Variants in TRIM14 observed in about 807,000 individuals in gnomAD.
TRIM14 encodes the protein tripartite motif containing 14.
Under a neutral mutation model 44.5 loss-of-function variants are expected in TRIM14, and 28 were observed. The ratio of observed to expected loss-of-function variants is 0.63; its 90% CI spans 0.47 to 0.86. TRIM14 has a LOEUF of 0.86. Among genes scored for constraint, TRIM14 ranks in the 40% least tolerant of loss-of-function variants. The probability of loss-of-function intolerance (pLI) is 0.00; values close to 1 mark genes in which losing one functional copy is unlikely to be tolerated. For synonymous variants in TRIM14, 299 were observed against 269.2 expected, an observed-to-expected ratio of 1.11 and a Z score of -1.08; for missense variants, 607 against 611.1, an observed-to-expected ratio of 0.99 and a Z score of 0.07.
Position 98,100,149 on chromosome 9 carries a change from T to C in TRIM14, c.319A>G (p.Ser107Gly). The C allele has an allele frequency of 6.2e-7, 1 of 1,614,206 alleles. No individual in the cohort carries two copies. The highest frequency in any genetic ancestry group is 8.5e-7 in the Non-Finnish European group (1 of 1,180,032). The stretch of plus-strand genomic sequence containing the variant: ...AATTTCCCCTTCAGCCAGGTTTTAC[T>C]TGACTCTGCATTAGCCTAAAAACAG... The part of the protein sequence containing the change: ...TEKLKANAES[S>G]KTWLKGKFTE... The change falls in exon 3 of 6, where the codon AGT (serine) becomes GGT (glycine). Residue 107 changes from serine (S) to glycine (G), a missense_variant. Around this residue, in one of 3 missense-constraint regions of TRIM14, gnomAD observed 246 missense variants for 270.8 expected, o/e 0.91. Coordinates refer to ENST00000341469, the MANE Select transcript of TRIM14 (RefSeq NM_014788.4).
At chr9:98,110,768 G>C (rs1476077376) in intron 1 of TRIM14, among the ~76,000 whole-genome samples, 1 of 151,904 alleles carries the variant, frequency 6.6e-6, no homozygotes. Flanking sequence ...CACTTTGGGA[G>C]GCTGAGGTAG....
At chr9:98,046,384 G>T in the TRIM14 span, among the ~76,000 whole-genome samples, 1 of 152,032 alleles carries the variant, frequency 6.6e-6, no homozygotes. Flanking sequence ...GAAAATGAGG[G>T]CTCCCTAATT....
At chr9:98,082,541 A>C (rs1365039386), downstream of TRIM14, among the ~76,000 whole-genome samples, 2 of 152,242 alleles carry the variant, frequency 1.3e-5, no homozygotes, top group East Asian at 3.8e-4. Flanking sequence ...TTTCCATTTG[A>C]CAGAGAAACT....
Position 98,087,494 on chromosome 9 carries a change from G to C in TRIM14, c.1305C>G (p.Ala435=). ...LYPALRLWEG[A]ISIPRLP is the part of the protein sequence containing the mutation. ...CCTAGGGCAGCCGGGGGATGCTGAT[G>C]GCCCCCTCCCAGAGCCGCAGGGCCG... The change falls in exon 6 of 6, where the codon GCC becomes GCG. Residue 435 remains alanine (A), a synonymous_variant. Transcript: ENST00000341469. 1 of 1,602,034 alleles carries C rather than the reference G, an allele frequency of 6.2e-7. No homozygotes were observed. The highest frequency in any genetic ancestry group is 8.5e-7 in the Non-Finnish European group (1 of 1,174,038).
At chr9:98,118,033 G>A (rs545861095) in intron 1 of TRIM14, among the ~76,000 whole-genome samples, 1 of 152,256 alleles carries the variant, frequency 6.6e-6, no homozygotes, top group South Asian at 2.1e-4. Flanking sequence ...GGAGTTCCAA[G>A]GTTGTCACAG....
the TRIM14 span, chr9:98,056,727 T>C: frequency 6.6e-7 from 1 of 1,525,978 alleles, no homozygotes; most frequent in Non-Finnish European, 8.8e-7. Flanking sequence ...CTCGCAGCGT[T>C]GCTCACAGAA....
chr9:98,042,043 C>G, the TRIM14 span, among the ~76,000 whole-genome samples: 2 of 151,468 alleles, frequency 1.3e-5, no homozygotes, highest in African/African-American at 4.8e-5. Context: ...GCCTCTAATC[C>G]CAGCACTTTG....
chr9:98,067,464 G>A (rs1829182278), downstream of TRIM14, among the ~76,000 whole-genome samples: 1 of 152,128 alleles, frequency 6.6e-6, no homozygotes, highest in Non-Finnish European at 1.5e-5. Flanking sequence ...GTCTCATTGT[G>A]GTTGTGATTT....
chr9:98,075,814 G>A (rs1829566233), intron 6 of TRIM14: 1 of 152,128 alleles, frequency 6.6e-6, no homozygotes, highest in Non-Finnish European at 1.5e-5. Context: ...TACATTATGT[G>A]CAGTTTTTAG....
At position 98,087,678 on chromosome 9, in the gene TRIM14, A is replaced by G. The variant is rs918457484; in HGVS notation, c.1121T>C (p.Phe374Ser). The G allele has an allele frequency of 3.1e-6, 5 of 1,601,936 alleles. No individual in the cohort carries two copies. In the African/African-American group the frequency reaches 6.7e-5, roughly 21 times the overall value. The part of the protein sequence containing the change: ...LKRYDLEYWA[F>S]HDGQRSRLRP... ...CAGGCGGCTGCGCTGGCCGTCGTGG[A>G]AGGCCCAGTACTCAAGGTCGTAGCG... The change falls in exon 6 of 6, where the codon TTC becomes TCC. Residue 374 changes from phenylalanine to serine, a missense_variant. Around this residue, in one of 3 missense-constraint regions of TRIM14, gnomAD observed 356 missense variants for 323.0 expected, o/e 1.10. Transcript: ENST00000341469.
chr9:98,080,818 A>G (rs778409762), downstream of TRIM14: 37 of 1,571,550 alleles, frequency 2.4e-5, no homozygotes, highest in Non-Finnish European at 3.1e-5. Flanking sequence ...TTTTAAAGGA[A>G]TATCAGAAGC....
chr9:98,089,920 T>C (rs2118242926), intron 5 of TRIM14, among the ~76,000 whole-genome samples: 1 of 152,336 alleles, frequency 6.6e-6, no homozygotes, highest in Non-Finnish European at 1.5e-5. Flanking sequence ...AACCACTTTC[T>C]TTATACCAGA....
chr9:98,043,180 G>A, the TRIM14 span, among the ~76,000 whole-genome samples: 5 of 132,048 alleles, frequency 3.8e-5, no homozygotes, highest in African/African-American at 1.3e-4. Context: ...CCCTAAATTT[G>A]CATTTTTTTT....
chr9:98,119,120 G>A lies in TRIM14; in HGVS notation c.69C>T (p.Arg23=), dbSNP rs371399513. Residue 23 remains arginine, a synonymous_variant, in exon 1 of 6, where the codon CGC becomes CGT. Transcript: ENST00000341469. ...RSELVEGCGW[R]CPEHGDRVAE... ...CCACGCGGTCGCCATGCTCCGGGCAGCGCCAGCCGCATCCCTCGACAAGCT... is the reference window on the plus strand; with the variant it reads ...CCACGCGGTCGCCATGCTCCGGGCAACGCCAGCCGCATCCCTCGACAAGCT... 2.3e-4 allele frequency: 369 copies of A among 1,587,012 alleles called. No individual in the cohort carries two copies. The highest frequency in any genetic ancestry group is 3.0e-4 in the Non-Finnish European group (353 of 1,176,124).
chr9:98,079,096 G>A (rs752663626), intron 6 of TRIM14, among the ~76,000 whole-genome samples: 4 of 151,934 alleles, frequency 2.6e-5, no homozygotes, highest in Non-Finnish European at 5.9e-5. Context: ...TCTCTCCCAC[G>A]ATTTTGCCTA....
At chr9:98,056,856 A>T in the TRIM14 span, 2 of 1,612,204 alleles carry the variant, frequency 1.2e-6, no homozygotes, top group African/African-American at 2.7e-5. Context: ...TGGGCGGGCA[A>T]CACCCGTGCT....
the TRIM14 span, among the ~76,000 whole-genome samples, chr9:98,048,719 C>T: frequency 6.6e-6 from 1 of 152,156 alleles, no homozygotes; most frequent in Admixed American, 6.6e-5. Flanking sequence ...TTTTGAAAAT[C>T]GTTCAACTTG....
intron 5 of TRIM14, among the ~76,000 whole-genome samples, chr9:98,090,712 T>A (rs900714114): frequency 6.6e-6 from 1 of 152,114 alleles, no homozygotes; most frequent in African/African-American, 2.4e-5. Context: ...TACTGGTGCA[T>A]GCCACCATGC....
chr9:98,040,951 A>G, the TRIM14 span, among the ~76,000 whole-genome samples: 2 of 151,866 alleles, frequency 1.3e-5, no homozygotes, highest in Non-Finnish European at 2.9e-5. Context: ...CACCGTGCCC[A>G]GTGATTTTTT....
Sources: gnomAD v4.1 joint callset for allele counts (sites outside exome capture counted in the v4.1 genomes callset) on GRCh38, gnomAD v4.1.1 for gene constraint, gnomAD v4.1.1 regional missense constraint, MANE v1.5 for transcripts, NCBI Gene and HGNC (gene_info 2026-07-23, HGNC 2026-07-21) for gene names.